Variants in ZNF532 observed in about 807,000 individuals in gnomAD.
ZNF532 encodes zinc finger protein 532.
In ZNF532, 22 loss-of-function variants were observed where a neutral mutation model predicts 89.3. The ratio of observed to expected loss-of-function variants is 0.25; its 90% CI spans 0.18 to 0.35. The LOEUF (loss-of-function observed/expected upper bound fraction) is 0.35. Ranked by LOEUF, ZNF532 falls within the 10% of genes least tolerant of loss-of-function variation. The pLI is 1.00. For synonymous variants in ZNF532, 606 were observed against 649.6 expected, an observed-to-expected ratio of 0.93 and a Z score of 1.02; for missense variants, 1,132 against 1,643.4, an observed-to-expected ratio of 0.69 and a Z score of 5.38.
intron 7 of ZNF532, among the ~76,000 whole-genome samples, chr18:58,970,861 G>A (rs1044840943): frequency 6.6e-6 from 1 of 152,218 alleles, no homozygotes; most frequent in African/African-American, 2.4e-5. Context: ...GCCCCACCGT[G>A]CCCTGGCAGG....
chr18:58,968,613 A>G (rs2066156015), intron 7 of ZNF532, among the ~76,000 whole-genome samples: 1 of 152,176 alleles, frequency 6.6e-6, no homozygotes, highest in Non-Finnish European at 1.5e-5. Context: ...CTGTCCCTGG[A>G]ATCCATGGCA....
chr18:58,888,738 ATATTTTATATATATAT>A (rs1568245361), intron 2 of ZNF532, among the ~76,000 whole-genome samples: 15 of 51,548 alleles, frequency 2.9e-4, no homozygotes, highest in African/African-American at 1.4e-3. Context: ...TTATATATAT[ATATTTTATATATATAT>A]AAAATTAATA....
intron 2 of ZNF532, among the ~76,000 whole-genome samples, chr18:58,870,009 G>A (rs902286854): frequency 1.3e-5 from 2 of 149,554 alleles, no homozygotes; most frequent in African/African-American, 2.5e-5. Flanking sequence ...CTTGTGATCC[G>A]CCCGCCTCAA....
chr18:58,958,571 C>T (rs553321878), intron 7 of ZNF532, among the ~76,000 whole-genome samples: 1 of 152,300 alleles, frequency 6.6e-6, no homozygotes, highest in South Asian at 2.1e-4. Flanking sequence ...TTTATTATTA[C>T]AGTCTTCTAT....
chr18:58,934,721 C>G, intron 4 of ZNF532, 107 bp downstream of exon 4: 1 of 1,074,702 alleles, frequency 9.3e-7, no homozygotes, highest in Admixed American at 2.3e-5. Flanking sequence ...GGTGATACCT[C>G]GATTAACAGA....
intron 2 of ZNF532, among the ~76,000 whole-genome samples, chr18:58,868,303 A>G (rs1394123161): frequency 6.6e-6 from 1 of 152,210 alleles, no homozygotes; most frequent in East Asian, 1.9e-4. Flanking sequence ...ATCTTTAACT[A>G]AGTCATGGTT....
At position 58,941,188 on chromosome 18, in the gene ZNF532, G is replaced by A. The variant is rs375154072; in HGVS notation, c.2705+1567G>A. Among the ~76,000 whole-genome samples, 431 of 152,208 alleles carry A rather than the reference G, an allele frequency of 2.8e-3. 3 individuals carry two copies. Among genetic ancestry groups the A allele is most frequent in the African/African-American group, 9.4e-3 (392 of 41,520 alleles). On this transcript the variant is annotated intron_variant, in intron 5 of 9. Transcript: ENST00000591808. ...ATACATGTCTTGATGTCTTGACTCT[G>A]AAGATGGGGATTAGTGAATTTTAGT... is the stretch of plus-strand genomic sequence containing the variant.
At chr18:58,905,790 C>T (rs1050918749) in intron 2 of ZNF532, among the ~76,000 whole-genome samples, 1 of 152,186 alleles carries the variant, frequency 6.6e-6, no homozygotes, top group South Asian at 2.1e-4. Context: ...ACCTATTGTC[C>T]TTTTTCTGTT....
intron 3 of ZNF532, among the ~76,000 whole-genome samples, chr18:58,923,382 C>T (rs2061279558): frequency 6.6e-6 from 1 of 151,634 alleles, no homozygotes; most frequent in Non-Finnish European, 1.5e-5. Context: ...GACTGTGTCA[C>T]TCAGACCCAA....
At chr18:58,882,600 C>T (rs2058012426) in intron 2 of ZNF532, among the ~76,000 whole-genome samples, 2 of 152,136 alleles carry the variant, frequency 1.3e-5, no homozygotes, top group African/African-American at 4.8e-5. Context: ...CAACACCATT[C>T]CTGGCTAATT....
intron 4 of ZNF532, among the ~76,000 whole-genome samples, chr18:58,936,597 C>T (rs879327251): frequency 6.6e-6 from 1 of 152,146 alleles, no homozygotes; most frequent in African/African-American, 2.4e-5. Context: ...TGTTCAAATT[C>T]GGTATTTCAA....
chr18:58,912,293 G>C (rs2060329585), intron 2 of ZNF532, among the ~76,000 whole-genome samples: 1 of 152,180 alleles, frequency 6.6e-6, no homozygotes, highest in Admixed American at 6.5e-5. Context: ...TCCATGATTG[G>C]TATCATCAGG....
At chr18:58,948,690 C>G (rs1365242025) in intron 6 of ZNF532, among the ~76,000 whole-genome samples, 1 of 151,656 alleles carries the variant, frequency 6.6e-6, no homozygotes, top group Admixed American at 6.6e-5. Context: ...GCCTCAGCCT[C>G]CCGAGTAGCT....
chr18:58,967,839 GCAAGCCTTTGGCCAGAA>G (rs1243457533), intron 7 of ZNF532, among the ~76,000 whole-genome samples: 1 of 152,220 alleles, frequency 6.6e-6, no homozygotes, highest in Non-Finnish European at 1.5e-5. Context: ...CATGGCAGTT[GCAAGCCTTTGGCCAGAA>G]TTGCCGGCCG....
intron 7 of ZNF532, among the ~76,000 whole-genome samples, chr18:58,975,849 C>G (rs755423483): frequency 6.6e-6 from 1 of 152,116 alleles, no homozygotes; most frequent in African/African-American, 2.4e-5. Context: ...AGACATGTTC[C>G]TTTTCTGATC....
rs547798756 is a variant in ZNF532, at chr18:58,910,570, G to C, written c.-17-7701G>C. ...CAACCTCTGCCTTCCAGGTTCAAAC[G>C]ATTTTGCCGCTTCAGCCTCCCGAGT... On this transcript the variant is annotated intron_variant, in intron 2 of 9. Transcript: ENST00000591808. Among the ~76,000 whole-genome samples the C allele has an allele frequency of 2.6e-5, 4 of 151,794 alleles. No homozygotes were observed. The East Asian group carries it at 7.8e-4, about 29-fold the overall frequency.
intron 5 of ZNF532, among the ~76,000 whole-genome samples, chr18:58,940,695 T>TAGAG: frequency 6.6e-6 from 1 of 152,314 alleles, no homozygotes; most frequent in Middle Eastern, 3.4e-3. Flanking sequence ...CATGGAGGGC[T>TAGAG]CTGTCAGCAT....
intron 7 of ZNF532, among the ~76,000 whole-genome samples, chr18:58,974,892 A>G (rs1308961855): frequency 1.3e-5 from 2 of 152,212 alleles, no homozygotes; most frequent in Admixed American, 1.3e-4. Context: ...GACGTAGTTA[A>G]AACTAAATAT....
intron 6 of ZNF532, among the ~76,000 whole-genome samples, chr18:58,952,791 T>G (rs544399802): frequency 1.3e-5 from 2 of 152,360 alleles, no homozygotes; most frequent in East Asian, 3.9e-4. Context: ...GCACTAATTT[T>G]GCCCTTTTCA....
Sources: gnomAD v4.1 joint callset for allele counts (sites outside exome capture counted in the v4.1 genomes callset) on GRCh38, gnomAD v4.1.1 for gene constraint, MANE v1.5 for transcripts, NCBI Gene and HGNC (gene_info 2026-07-23, HGNC 2026-07-21) for gene names.